Variants in SUCLG2 observed in about 807,000 individuals in gnomAD.
SUCLG2 encodes succinate-CoA ligase GDP-forming subunit beta.
A neutral mutation model predicts 47.9 loss-of-function variants in SUCLG2; 42 were observed. The ratio of observed to expected loss-of-function variants is 0.88; its 90% confidence interval spans 0.69 to 1.14. SUCLG2 has a LOEUF of 1.14. SUCLG2 is among the 50% of genes most tolerant of loss of function. The pLI is 0.00. For synonymous variants in SUCLG2, 195 were observed against 197.3 expected (o/e 0.99, Z 0.10); for missense variants, 571 against 525.9 (o/e 1.09, Z -0.84).
chr3:67,632,516 G>A (rs1002156900), intron 1 of SUCLG2, among the ~76,000 whole-genome samples: 7 of 152,076 alleles, frequency 4.6e-5, no homozygotes, highest in African/African-American at 1.7e-4. Flanking sequence ...TCTACTATGT[G>A]TCAGGTGGCA....
chr3:67,360,832 C>A, intron 10 of SUCLG2: 1 of 1,303,054 alleles, frequency 7.7e-7, no homozygotes, highest in South Asian at 1.6e-5. Flanking sequence ...TGAACAACAA[C>A]AGTATGGTAT....
chr3:67,410,241 C>G (rs1165417195), intron 9 of SUCLG2, among the ~76,000 whole-genome samples: 1 of 152,140 alleles, frequency 6.6e-6, no homozygotes, highest in Non-Finnish European at 1.5e-5. Flanking sequence ...GTTATAGTAT[C>G]TACAAAAGTA....
At chr3:67,587,878 T>TA (rs1419902617) in intron 2 of SUCLG2, among the ~76,000 whole-genome samples, 2 of 152,072 alleles carry the variant, frequency 1.3e-5, no homozygotes, top group Non-Finnish European at 2.9e-5. Context: ...AAACAGGCCC[T>TA]AAAAAAATCC....
intron 2 of SUCLG2, among the ~76,000 whole-genome samples, chr3:67,560,045 A>C (rs1423390707): frequency 2.0e-5 from 3 of 152,178 alleles, no homozygotes; most frequent in African/African-American, 7.2e-5. Context: ...TAAAAAATTA[A>C]ATCTTTAAAA....
intron 2 of SUCLG2, among the ~76,000 whole-genome samples, chr3:67,596,138 G>C (rs1176492933): frequency 4.6e-5 from 7 of 152,192 alleles, no homozygotes; most frequent in Non-Finnish European, 1.0e-4. Context: ...TAAAAGGCAA[G>C]GAGTGGTTTG....
intron 2 of SUCLG2, among the ~76,000 whole-genome samples, chr3:67,532,326 G>C (rs946660795): frequency 6.6e-6 from 1 of 152,128 alleles, no homozygotes; most frequent in Non-Finnish European, 1.5e-5. Context: ...TAGCAGAGAT[G>C]AGGTTTCCCA....
intron 7 of SUCLG2, among the ~76,000 whole-genome samples, chr3:67,502,439 G>C (rs535265680): frequency 6.6e-6 from 1 of 152,242 alleles, no homozygotes; most frequent in East Asian, 1.9e-4. Flanking sequence ...GCACTTCCTA[G>C]CCAGCTATCC....
chr3:67,642,566 G>A (rs994235021), intron 1 of SUCLG2, among the ~76,000 whole-genome samples: 3 of 152,166 alleles, frequency 2.0e-5, no homozygotes, highest in Admixed American at 6.5e-5. Flanking sequence ...GCTGTTATAC[G>A]ATCTTGCCAC....
rs868363003 is a variant in SUCLG2, at chr3:67,398,125, G to C, written c.1183+2606C>G. ...ATAGGCATGGACAAGGACTTCATGT[G>C]TAAAACACCAAAAGCAATGGCAACA... On this transcript the variant is annotated intron_variant, in intron 10 of 10. Transcript: ENST00000307227. 3.0e-4 allele frequency among the ~76,000 whole-genome samples: 45 copies of C among 149,306 alleles called. 3 individuals carry two copies. The highest frequency in any genetic ancestry group is 1.5e-3 in the Admixed American group (23 of 14,900).
intron 2 of SUCLG2, among the ~76,000 whole-genome samples, chr3:67,597,878 C>A (rs1708329667): frequency 6.6e-6 from 1 of 151,546 alleles, no homozygotes; most frequent in South Asian, 2.1e-4. Context: ...GCAGAGGTTG[C>A]AGTCAGCCAA....
intron 9 of SUCLG2, among the ~76,000 whole-genome samples, chr3:67,422,980 G>A (rs1180608749): frequency 6.6e-6 from 1 of 152,156 alleles, no homozygotes; most frequent in South Asian, 2.1e-4. Context: ...AATTTATTAG[G>A]CTGAAGAAGG....
Position 67,560,987 on chromosome 3 carries a change from C to G in SUCLG2, c.227-31801G>C, listed in dbSNP as rs193301904. On this transcript the variant is annotated intron_variant, in intron 2 of 10. Coordinates refer to ENST00000307227, the MANE Select transcript of SUCLG2 (RefSeq NM_003848.4). The stretch of plus-strand genomic sequence containing the variant: ...ATAAAACCAGCATAACAAACACAAA[C>G]TCAGCAAGTTAATACTAACGCAATT... Among the ~76,000 whole-genome samples, 348 of 149,112 alleles carry G rather than the reference C, an allele frequency of 2.3e-3. 3 individuals carry two copies. Among genetic ancestry groups the G allele is most frequent in the Non-Finnish European group, 2.5e-3 (170 of 67,562 alleles).
At chr3:67,563,646 T>C (rs1321585484) in intron 2 of SUCLG2, among the ~76,000 whole-genome samples, 1 of 152,120 alleles carries the variant, frequency 6.6e-6, no homozygotes, top group Non-Finnish European at 1.5e-5. Flanking sequence ...AACTGAACTT[T>C]AGCATATGCT....
At chr3:67,489,952 T>C (rs1391889912) in intron 9 of SUCLG2, among the ~76,000 whole-genome samples, 2 of 152,208 alleles carry the variant, frequency 1.3e-5, no homozygotes, top group African/African-American at 2.4e-5. Context: ...TATGGTTACA[T>C]AACTAGAACT....
intron 1 of SUCLG2, among the ~76,000 whole-genome samples, chr3:67,648,730 C>T (rs1205502948): frequency 6.6e-6 from 1 of 152,214 alleles, no homozygotes; most frequent in Non-Finnish European, 1.5e-5. Flanking sequence ...GACCCTTTCA[C>T]AACTAGGATT....
At chr3:67,648,656 G>A (rs1365596060) in intron 1 of SUCLG2, among the ~76,000 whole-genome samples, 5 of 152,166 alleles carry the variant, frequency 3.3e-5, no homozygotes, top group African/African-American at 7.2e-5. Context: ...AATAATGTGT[G>A]GAGATTACTT....
rs1329283390 is a variant in SUCLG2, at chr3:67,651,804, C to G, written c.84+2699G>C. Among the ~76,000 whole-genome samples, 2 of 152,208 alleles carry G rather than the reference C, an allele frequency of 1.3e-5. 1 individual carries two copies. Among genetic ancestry groups the G allele is most frequent in the Non-Finnish European group, 2.9e-5 (2 of 68,028 alleles). On this transcript the variant is annotated intron_variant, in intron 1 of 10. Transcript: ENST00000307227. ...TATGCCAATCAAAAACACACCATAT[C>G]AAATAGGTCTCCTCTGATCATCCAG... is the stretch of plus-strand genomic sequence containing the variant.
At chr3:67,381,897 G>A (rs1416081045) in intron 10 of SUCLG2, among the ~76,000 whole-genome samples, 1 of 152,152 alleles carries the variant, frequency 6.6e-6, no homozygotes, top group African/African-American at 2.4e-5. Context: ...AAACAAAGAT[G>A]CAAGGTTAAT....
At chr3:67,491,950 G>GGTCC (rs1309315161) in intron 9 of SUCLG2, among the ~76,000 whole-genome samples, 1 of 152,074 alleles carries the variant, frequency 6.6e-6, no homozygotes, top group Non-Finnish European at 1.5e-5. Flanking sequence ...GCATGCCCAA[G>GGTCC]GTCCCACAAC....
Sources: gnomAD v4.1 joint callset for allele counts (sites outside exome capture counted in the v4.1 genomes callset) on GRCh38, gnomAD v4.1.1 for gene constraint, MANE v1.5 for transcripts, NCBI Gene and HGNC (gene_info 2026-07-23, HGNC 2026-07-21) for gene names.